NBAS: variants seen among roughly 807,000 people sequenced by gnomAD.
The protein encoded by NBAS is NAG/BC035112 fusion.
Under a neutral mutation model 302.5 loss-of-function variants are expected in NBAS, and 219 were observed. The observed-to-expected ratio is 0.72, with a 90% confidence interval of 0.65 to 0.81. The LOEUF is 0.81. Ranked by LOEUF, NBAS falls within the 30% of genes least tolerant of loss-of-function variation. The probability of loss-of-function intolerance (pLI) is 0.00; values close to 1 mark genes in which losing one functional copy is unlikely to be tolerated. For synonymous variants in NBAS, 1,118 were observed against 1,021.6 expected, an observed-to-expected ratio of 1.09 and a Z score of -1.80; for missense variants, 2,932 against 2,841.6, an observed-to-expected ratio of 1.03 and a Z score of -0.72.
the NBAS span, among the ~76,000 whole-genome samples, chr2:14,978,029 T>C: frequency 1.3e-5 from 2 of 152,190 alleles, no homozygotes; most frequent in Non-Finnish European, 2.9e-5. Context: ...CTCCTATTTT[T>C]CTACCAGACA....
chr2:15,391,776 T>C (rs1437101813), intron 28 of NBAS, among the ~76,000 whole-genome samples: 1 of 150,972 alleles, frequency 6.6e-6, no homozygotes, highest in Non-Finnish European at 1.5e-5. Context: ...ATTTAAAAAA[T>C]ATGAGAAACA....
the NBAS span, among the ~76,000 whole-genome samples, chr2:15,085,065 C>T: frequency 1.3e-5 from 2 of 152,154 alleles, no homozygotes; most frequent in Non-Finnish European, 2.9e-5. Flanking sequence ...GCTGCTGTGA[C>T]GGGCCGGGCC....
intron 6 of NBAS, among the ~76,000 whole-genome samples, chr2:15,543,762 G>A (rs568685085): frequency 2.2e-4 from 33 of 152,294 alleles, no homozygotes; most frequent in African/African-American, 6.3e-4. Flanking sequence ...GGTCCCTCCC[G>A]CAACACGTGG....
intron 44 of NBAS, among the ~76,000 whole-genome samples, chr2:15,247,726 C>CTA (rs1553352067): frequency 6.0e-5 from 9 of 148,882 alleles, no homozygotes; most frequent in Non-Finnish European, 1.2e-4. Flanking sequence ...ATATATACCT[C>CTA]TATCTATAGA....
intron 26 of NBAS, among the ~76,000 whole-genome samples, chr2:15,400,994 A>G (rs139242755): frequency 6.6e-6 from 1 of 152,292 alleles, no homozygotes; most frequent in Admixed American, 6.5e-5. Flanking sequence ...TTTAGCAAAA[A>G]TATTTCTTAA....
intron 31 of NBAS, among the ~76,000 whole-genome samples, chr2:15,367,260 T>C (rs1438105937): frequency 1.3e-5 from 2 of 151,826 alleles, no homozygotes; most frequent in African/African-American, 4.8e-5. Flanking sequence ...CAATTCAAAC[T>C]ATAAAGAAAT....
the NBAS span, among the ~76,000 whole-genome samples, chr2:15,002,032 G>A: frequency 6.6e-6 from 1 of 152,148 alleles, no homozygotes; most frequent in East Asian, 1.9e-4. Flanking sequence ...TTGACAGGGC[G>A]CTGATTGGTG....
chr2:15,159,045 C>A, the NBAS span, among the ~76,000 whole-genome samples: 18 of 152,308 alleles, frequency 1.2e-4, no homozygotes, highest in South Asian at 2.7e-3. Context: ...GGCATCACTG[C>A]CCTTCTCTTG....
chr2:15,381,028 C>G (rs889054666), intron 29 of NBAS, among the ~76,000 whole-genome samples: 2 of 152,030 alleles, frequency 1.3e-5, no homozygotes, highest in African/African-American at 4.8e-5. Context: ...AAAGAGCAAC[C>G]CTAATCACTT....
At chr2:14,848,972 G>A in the NBAS span, among the ~76,000 whole-genome samples, 1 of 136,176 alleles carries the variant, frequency 7.3e-6, no homozygotes, top group African/African-American at 3.4e-5. Flanking sequence ...CACAAAGATG[G>A]GGAAAAAACA....
At chr2:14,929,854 T>C in the NBAS span, among the ~76,000 whole-genome samples, 3 of 152,156 alleles carry the variant, frequency 2.0e-5, no homozygotes, top group African/African-American at 7.2e-5. Context: ...AAATTTCATG[T>C]TGAATTGTAG....
At chr2:15,396,534 A>G in intron 26 of NBAS, 59 bp from the exon 27 acceptor site, 1 of 1,181,086 alleles carries the variant, frequency 8.5e-7, no homozygotes, top group South Asian at 1.5e-5. Flanking sequence ...CTTTTTAAAT[A>G]AAATACAAAA....
chr2:15,388,343 A>G (rs960500989), intron 28 of NBAS, among the ~76,000 whole-genome samples: 6 of 152,228 alleles, frequency 3.9e-5, no homozygotes, highest in Non-Finnish European at 7.4e-5. Context: ...ATGTGTTGAT[A>G]CCCTTATAAT....
the NBAS span, among the ~76,000 whole-genome samples, chr2:14,809,824 G>C: frequency 6.6e-6 from 1 of 152,212 alleles, no homozygotes; most frequent in Non-Finnish European, 1.5e-5. Flanking sequence ...TCAGGAGGGA[G>C]GATATATCCT....
chr2:15,110,071 C>T, the NBAS span, among the ~76,000 whole-genome samples: 1 of 151,996 alleles, frequency 6.6e-6, no homozygotes, highest in South Asian at 2.1e-4. Context: ...TAAAAGCTGT[C>T]AATGAAAATA....
chr2:15,140,004 T>TG, the NBAS span, among the ~76,000 whole-genome samples: 510 of 152,234 alleles, frequency 3.4e-3, 3 homozygotes, highest in African/African-American at 0.012. Flanking sequence ...GGTGACGTGG[T>TG]GGATGTAATG....
the NBAS span, among the ~76,000 whole-genome samples, chr2:14,805,175 G>A: frequency 6.6e-6 from 1 of 152,186 alleles, no homozygotes; most frequent in Non-Finnish European, 1.5e-5. Flanking sequence ...TGCTAGCAGA[G>A]ATGCATCCCA....
the NBAS span, among the ~76,000 whole-genome samples, chr2:14,841,568 A>G: frequency 6.6e-6 from 1 of 151,858 alleles, no homozygotes; most frequent in Non-Finnish European, 1.5e-5. Context: ...AAAAGACTGT[A>G]AGAGTCTATA....
rs184684030 is a variant in NBAS at position 15,511,982 on chromosome 2, C to T, written c.747-632G>A. On this transcript the variant is annotated intron_variant, in intron 9 of 51. Transcript: ENST00000281513. ...CTATATAAACAAAGCTAATTAATAA[C>T]GAAACCCCAACAGTCACAATTTTTA... is the stretch of plus-strand genomic sequence containing the variant. Among the ~76,000 whole-genome samples, 3 of 152,164 alleles carry T rather than the reference C, an allele frequency of 2.0e-5. No individual in the cohort carries two copies. The South Asian group carries it at 6.2e-4, about 32-fold the overall frequency.
Sources: allele counts gnomAD v4.1 joint callset (sites outside exome capture counted in the v4.1 genomes callset), GRCh38; gene constraint gnomAD v4.1.1; transcripts MANE v1.5; gene names NCBI Gene and HGNC (gene_info 2026-07-23, HGNC 2026-07-21).